Variants in ERAP1 observed in about 807,000 individuals in gnomAD.
ERAP1 encodes adipocyte-derived leucine aminopeptidase.
ERAP1 carries 86 observed loss-of-function variants against 103.7 expected under a neutral mutation model. That is an observed-to-expected ratio of 0.83 (90% CI 0.70 to 0.99). The LOEUF is 0.99. Ranked by LOEUF, ERAP1 falls within the 50% of genes least tolerant of loss-of-function variation. The probability of loss-of-function intolerance (pLI) is 0.00; values close to 1 mark genes in which losing one functional copy is unlikely to be tolerated. For synonymous variants in ERAP1, 398 were observed against 402.4 expected (o/e 0.99, Z 0.13); for missense variants, 1,009 against 1,128.4 (o/e 0.89, Z 1.52).
chr5:96,851,366 CAG>C, the ERAP1 span, among the ~76,000 whole-genome samples: 1 of 152,082 alleles, frequency 6.6e-6, no homozygotes, highest in Non-Finnish European at 1.5e-5. Flanking sequence ...AAAGGATGAG[CAG>C]AGACATCACA....
chr5:96,878,831 G>A, the ERAP1 span, among the ~76,000 whole-genome samples: 10 of 152,166 alleles, frequency 6.6e-5, no homozygotes, highest in African/African-American at 9.7e-5. Context: ...GGGAGGCTGA[G>A]GGAGAAGAAT....
the ERAP1 span, among the ~76,000 whole-genome samples, chr5:96,897,166 T>C: frequency 1.4e-3 from 206 of 152,312 alleles, no homozygotes; most frequent in Middle Eastern, 3.4e-3. Flanking sequence ...ATTTCTACCA[T>C]ATAACACCTA....
the ERAP1 span, among the ~76,000 whole-genome samples, chr5:96,876,861 C>A: frequency 2.0e-5 from 3 of 152,160 alleles, no homozygotes; most frequent in Non-Finnish European, 2.9e-5. Flanking sequence ...GCCCACCAGA[C>A]CAAAGGGCAA....
chr5:96,837,381 T>A, the ERAP1 span, among the ~76,000 whole-genome samples: 2 of 152,240 alleles, frequency 1.3e-5, no homozygotes, highest in Non-Finnish European at 2.9e-5. Flanking sequence ...AGTAGTTATA[T>A]GTTAATGAAG....
the ERAP1 span, chr5:96,915,923 G>T: frequency 1.8e-6 from 1 of 549,066 alleles, no homozygotes; most frequent in South Asian, 2.6e-5. Context: ...GAAGGGACAG[G>T]ATTAAAACCT....
the ERAP1 span, chr5:96,873,791 G>A: frequency 3.5e-5 from 7 of 202,650 alleles, no homozygotes; most frequent in Non-Finnish European, 1.0e-5. Context: ...TGGGCACTCA[G>A]CAGTTAGAGG....
Position 96,776,075 on chromosome 5 carries a change from A to G in ERAP1, c.*321T>C, listed in dbSNP as rs17481334. ...ATGAAACAGTTTATGAATGATAAAC[A>G]TGGGGTACAGGGTTTTGGACACGGG... On this transcript the variant is annotated 3_prime_UTR_variant, in exon 19 of 19. Coordinates refer to ENST00000443439, the MANE Select transcript of ERAP1 (RefSeq NM_001040458.3). 143,300 of 1,259,044 alleles carry G rather than the reference A, an allele frequency of 0.11. 8,949 individuals are homozygous for G. The highest frequency in any genetic ancestry group is 0.13 in the Non-Finnish European group (122,981 of 979,202). 78.0% of individuals were successfully genotyped at this position (1,259,044 alleles called of 1,614,324 possible).
the ERAP1 span, chr5:96,902,142 A>G: frequency 1.7e-6 from 1 of 594,784 alleles, no homozygotes; most frequent in African/African-American, 1.9e-5. Context: ...TATAAAATTT[A>G]TAAGACCACT....
At chr5:96,798,310 G>A (rs1295180473) in intron 3 of ERAP1, among the ~76,000 whole-genome samples, 1 of 127,650 alleles carries the variant, frequency 7.8e-6, no homozygotes, top group Non-Finnish European at 1.6e-5. Context: ...GGATGACAGA[G>A]CGAGACTCCA....
intron 1 of ERAP1, among the ~76,000 whole-genome samples, chr5:96,807,626 G>A (rs1023522569): frequency 3.3e-5 from 5 of 151,974 alleles, no homozygotes; most frequent in Non-Finnish European, 5.9e-5. Context: ...CCGCGGACTC[G>A]GGCCTAGCCA....
the ERAP1 span, among the ~76,000 whole-genome samples, chr5:96,897,118 T>G: frequency 1.3e-5 from 2 of 152,190 alleles, no homozygotes; most frequent in Non-Finnish European, 1.5e-5. Context: ...ATCCTACACT[T>G]TTATGTTCCC....
At chr5:96,770,408 A>G, downstream of ERAP1, 1 of 633,914 alleles carries the variant, frequency 1.6e-6, no homozygotes, top group East Asian at 2.7e-5. Context: ...AAACACCCAA[A>G]GTCTTCCATT....
Position 96,785,804 on chromosome 5 carries a change from CATTGTT to C in ERAP1, c.1921_1926del (p.Asn641_Asn642del). On this transcript the variant is annotated inframe_deletion, in exon 13 of 19. Transcript: ENST00000443439. The stretch of plus-strand genomic sequence containing the variant: ...GTGTATTACCTGACGAGCTGAAATG[CATTGTT>C]AATGAGACTCGCCCGATCATTACTG... The C allele has an allele frequency of 6.2e-7, 1 of 1,614,152 alleles. No individual in the cohort carries two copies. The highest frequency in any genetic ancestry group is 8.5e-7 in the Non-Finnish European group (1 of 1,180,016).
the ERAP1 span, chr5:96,886,755 ACT>A: frequency 1.3e-6 from 2 of 1,529,190 alleles, no homozygotes; most frequent in Non-Finnish European, 1.8e-6. Flanking sequence ...TGTGATTTCC[ACT>A]CTCTGAGTGG....
the ERAP1 span, chr5:96,889,111 T>G: frequency 4.5e-6 from 7 of 1,571,746 alleles, no homozygotes; most frequent in African/African-American, 1.4e-5. Flanking sequence ...CCTTTCTGTG[T>G]GAGAGGGTTA....
the ERAP1 span, among the ~76,000 whole-genome samples, chr5:96,882,787 TC>T: frequency 0.026 from 3,974 of 152,288 alleles, 86 homozygotes; most frequent in Middle Eastern, 0.095. Flanking sequence ...AGCCTCAGTT[TC>T]CCAGCCTGTG....
At chr5:96,816,152 T>C in the ERAP1 span, among the ~76,000 whole-genome samples, 20 of 152,212 alleles carry the variant, frequency 1.3e-4, no homozygotes, top group African/African-American at 4.3e-4. Flanking sequence ...AGAAAAACTA[T>C]TGGAGATGAT....
the ERAP1 span, among the ~76,000 whole-genome samples, chr5:96,927,426 T>C: frequency 6.6e-6 from 1 of 152,266 alleles, no homozygotes; most frequent in Non-Finnish European, 1.5e-5. Context: ...CAGCTTTTCA[T>C]GTCTCATTGG....
At chr5:96,907,957 G>A in the ERAP1 span, among the ~76,000 whole-genome samples, 1 of 152,036 alleles carries the variant, frequency 6.6e-6, no homozygotes, top group Non-Finnish European at 1.5e-5. Flanking sequence ...GTCTTCAGGT[G>A]AAATTTTTGA....
Sources: gnomAD v4.1 joint callset for allele counts (sites outside exome capture counted in the v4.1 genomes callset) on GRCh38, gnomAD v4.1.1 for gene constraint, MANE v1.5 for transcripts, NCBI Gene and HGNC (gene_info 2026-07-23, HGNC 2026-07-21) for gene names.